The following DENND2B variants were observed in gnomAD, a reference collection of about 807,000 sequenced individuals.
DENND2B encodes the protein DENN domain containing 2B.
In DENND2B, 32 loss-of-function variants were observed where a neutral mutation model predicts 116.0. The observed-to-expected ratio is 0.28, with a 90% CI of 0.21 to 0.37. The LOEUF (loss-of-function observed/expected upper bound fraction) is 0.37, where lower values mean the gene tolerates loss of function less well. Ranked by LOEUF, DENND2B falls within the 10% of genes least tolerant of loss-of-function variation. DENND2B has a pLI of 1.00. For missense variants in DENND2B, 1,276 were observed against 1,477.7 expected (o/e 0.86, Z 2.24); for synonymous variants, 588 against 583.9 (o/e 1.01, Z -0.10).
Position 8,707,631 on chromosome 11 carries a change from C to CA in DENND2B, c.2430+145dup. ...ACCAGGCCGGGGAATGGGAGGGTGT[C>CA]AGAGAGCTCACTGGTACTTGTTCCT... On this transcript the variant is annotated intron_variant, in intron 12 of 19. Coordinates refer to ENST00000313726, the MANE Select transcript of DENND2B (RefSeq NM_213618.2). The surrounding 1 kb of genome is among the most constrained non-coding windows in gnomAD (Gnocchi z 4.8). 6 of 784,276 alleles carry CA rather than the reference C, an allele frequency of 7.7e-6. No homozygotes were observed. 48.6% of individuals were successfully genotyped at this position (784,276 alleles called of 1,614,324 possible). A position where few individuals can be genotyped will look rare whatever the true frequency, so the allele number is the denominator to read the frequency against.
upstream of DENND2B, among the ~76,000 whole-genome samples, chr11:8,873,671 CTT>C (rs1327747760): frequency 3.9e-5 from 6 of 152,212 alleles, no homozygotes; most frequent in East Asian, 1.2e-3. Flanking sequence ...ATGGCAAGCT[CTT>C]TGAGGACAGC....
intron 1 of DENND2B, among the ~76,000 whole-genome samples, chr11:8,764,080 T>C (rs2055163829): frequency 1.3e-5 from 2 of 151,926 alleles, no homozygotes; most frequent in South Asian, 4.2e-4. Flanking sequence ...AAAAATTAGC[T>C]AGGCATGAAG....
intron 15 of DENND2B, 85 bp from the exon 16 acceptor site, chr11:8,699,059 C>A: frequency 6.3e-7 from 1 of 1,578,380 alleles, no homozygotes; most frequent in South Asian, 1.2e-5. Context: ...CCCAGGTTCC[C>A]AGGGTCAGCT....
chr11:8,799,488 C>A (rs2060122971), intron 1 of DENND2B, among the ~76,000 whole-genome samples: 1 of 152,030 alleles, frequency 6.6e-6, no homozygotes, highest in Non-Finnish European at 1.5e-5. Flanking sequence ...ACCAAGGTCA[C>A]TGCCATTGCC....
chr11:8,905,210 A>T (rs1260827763), intron 1 of DENND2B, among the ~76,000 whole-genome samples: 3 of 152,314 alleles, frequency 2.0e-5, no homozygotes, highest in East Asian at 3.9e-4. Flanking sequence ...GATCAATAGA[A>T]CATAATTTAA....
intron 2 of DENND2B, among the ~76,000 whole-genome samples, chr11:8,863,018 T>A (rs1195304250): frequency 6.6e-6 from 1 of 152,076 alleles, no homozygotes; most frequent in Non-Finnish European, 1.5e-5. Context: ...CTAATTCTGA[T>A]CACTGAGCTA....
chr11:8,907,851 A>G (rs1323124341), intron 1 of DENND2B, among the ~76,000 whole-genome samples: 6 of 152,134 alleles, frequency 3.9e-5, no homozygotes, highest in Non-Finnish European at 8.8e-5. Context: ...ATGAGCCACC[A>G]TGCCAGGCTA....
At chr11:8,709,069 G>A (rs1012412954) in intron 11 of DENND2B, among the ~76,000 whole-genome samples, 3 of 152,224 alleles carry the variant, frequency 2.0e-5, no homozygotes, top group Admixed American at 6.5e-5. Context: ...GGCCTGGAGG[G>A]CCTGGCAAGT....
intron 1 of DENND2B, chr11:8,766,811 C>A: frequency 3.8e-6 from 2 of 531,910 alleles, no homozygotes; most frequent in African/African-American, 2.0e-5. Context: ...GAGAATGTGA[C>A]AGAGGACAAG....
At chr11:8,696,390 A>T (rs774516655) in intron 18 of DENND2B, 37 bp downstream of exon 18, 2 of 1,608,696 alleles carry the variant, frequency 1.2e-6, no homozygotes, top group Admixed American at 3.4e-5. Flanking sequence ...GCTGTGGGTG[A>T]AAAAATTAGA....
At chr11:8,719,722 G>A (rs1592686126) in intron 4 of DENND2B, among the ~76,000 whole-genome samples, 1 of 152,154 alleles carries the variant, frequency 6.6e-6, no homozygotes, top group East Asian at 1.9e-4. Context: ...GGAGGTGGGG[G>A]AACTAAGAAG....
At chr11:8,813,275 TGG>T (rs1309444354), upstream of DENND2B, among the ~76,000 whole-genome samples, 1 of 152,130 alleles carries the variant, frequency 6.6e-6, no homozygotes, top group Non-Finnish European at 1.5e-5. Flanking sequence ...AAATCCTAAA[TGG>T]GGGGCACTAC....
intron 1 of DENND2B, among the ~76,000 whole-genome samples, chr11:8,765,766 A>C (rs1233695612): frequency 6.6e-6 from 1 of 152,174 alleles, no homozygotes; most frequent in African/African-American, 2.4e-5. Flanking sequence ...GGCCAGGCAC[A>C]GTGGCTCACC....
intron 2 of DENND2B, among the ~76,000 whole-genome samples, chr11:8,870,347 G>A (rs34842234): frequency 0.34 from 51,601 of 152,140 alleles, 10,452 homozygotes; most frequent in Non-Finnish European, 0.44. Flanking sequence ...TGCCATAAAC[G>A]TTGACTAGAG....
chr11:8,858,656 A>AT (rs1555216142), intron 2 of DENND2B, among the ~76,000 whole-genome samples: 3 of 152,128 alleles, frequency 2.0e-5, no homozygotes, highest in Non-Finnish European at 4.4e-5. Flanking sequence ...GAGGGTAAAA[A>AT]ATATATATAT....
chr11:8,731,484 G>A (rs899162146), intron 2 of DENND2B, among the ~76,000 whole-genome samples: 13 of 152,292 alleles, frequency 8.5e-5, no homozygotes, highest in African/African-American at 3.1e-4. Flanking sequence ...TGTGCCAAGC[G>A]AGAGCATCCC....
chr11:8,734,839 T>C (rs1219006950), intron 2 of DENND2B, among the ~76,000 whole-genome samples: 1 of 149,632 alleles, frequency 6.7e-6, no homozygotes, highest in Non-Finnish European at 1.5e-5. Flanking sequence ...AGAGAATCCC[T>C]GTGAGAAATA....
intron 1 of DENND2B, among the ~76,000 whole-genome samples, chr11:8,781,728 G>A (rs1182823834): frequency 6.6e-6 from 1 of 151,904 alleles, no homozygotes; most frequent in Non-Finnish European, 1.5e-5. Context: ...ACTGACAAGT[G>A]ATTAAAAATC....
intron 1 of DENND2B, among the ~76,000 whole-genome samples, chr11:8,793,832 G>A (rs1229774999): frequency 6.6e-6 from 1 of 152,144 alleles, no homozygotes; most frequent in Admixed American, 6.5e-5. Flanking sequence ...AATGTATGAG[G>A]ATTCTAACTT....
Sources: allele counts gnomAD v4.1 joint callset (sites outside exome capture counted in the v4.1 genomes callset), GRCh38; gene constraint gnomAD v4.1.1; non-coding constraint Gnocchi (gnomAD v3.1); transcripts MANE v1.5; gene names NCBI Gene and HGNC (gene_info 2026-07-23, HGNC 2026-07-21).